MGST1: variants seen among roughly 807,000 people sequenced by gnomAD.
MGST1 encodes the protein glutathione S-transferase 12.
A neutral mutation model predicts 8.9 loss-of-function variants in MGST1; 5 were observed. The ratio of observed to expected loss-of-function variants is 0.56; its 90% CI spans 0.29 to 1.19. The LOEUF is 1.19. Ranked by LOEUF, MGST1 falls within the 50% of genes most tolerant of loss-of-function variation. MGST1 has a pLI of 0.08. For synonymous variants in MGST1, 54 were observed against 67.8 expected (o/e 0.80, Z 1.00); for missense variants, 182 against 187.4 (o/e 0.97, Z 0.17).
At chr12:16,449,758 A>C (rs1306115374) in intron 4 of MGST1, among the ~76,000 whole-genome samples, 12 of 151,904 alleles carry the variant, frequency 7.9e-5, no homozygotes, top group Non-Finnish European at 8.8e-5. Context: ...TAAACAAGTG[A>C]GTCCTTCCAC....
chr12:16,580,071 C>A (rs995849248), intron 4 of MGST1, among the ~76,000 whole-genome samples: 1 of 152,078 alleles, frequency 6.6e-6, no homozygotes, highest in African/African-American at 2.4e-5. Context: ...TATGTATTTC[C>A]TGATATTATA....
chr12:16,456,655 A>G (rs2137119409), intron 4 of MGST1, among the ~76,000 whole-genome samples: 1 of 152,066 alleles, frequency 6.6e-6, no homozygotes, highest in East Asian at 1.9e-4. Flanking sequence ...AATCTAATTC[A>G]GTATTTTGGA....
chr12:16,480,307 T>C (rs1941356252), intron 4 of MGST1, among the ~76,000 whole-genome samples: 1 of 151,990 alleles, frequency 6.6e-6, no homozygotes, highest in Admixed American at 6.5e-5. Flanking sequence ...CACACCCAGC[T>C]AATTTTTGTA....
Position 16,432,569 on chromosome 12 carries a change from G to A in MGST1, n.779-4819G>A, listed in dbSNP as rs1488844865. On this transcript the variant is annotated intron_variant and non_coding_transcript_variant, in intron 1 of 1. Transcript: ENST00000359720. ...GAGTCTCCCAAGGACAGGTGGGAGAGAGCCAAAAGTAACACTTAAAAATGA... is the reference window on the plus strand; with the variant it reads ...GAGTCTCCCAAGGACAGGTGGGAGAAAGCCAAAAGTAACACTTAAAAATGA... Among the ~76,000 whole-genome samples the A allele has an allele frequency of 3.3e-5, 5 of 151,818 alleles. No homozygotes were observed. The East Asian group carries it at 9.7e-4, about 29-fold the overall frequency.
rs149064646 is a variant in MGST1, at chr12:16,587,919, C to G, written n.483-1609C>G. ...TGCTACATTTCTCATGAAAGAAAAC[C>G]TTGATTTAATTTTAAATGAACAAAA... On this transcript the variant is annotated intron_variant and non_coding_transcript_variant, in intron 4 of 4. Transcript: ENST00000538857. This position sits in a 1 kb window ranked among gnomAD's most constrained non-coding sequence, Gnocchi z 4.3. 6.6e-6 allele frequency among the ~76,000 whole-genome samples: 1 copy of G among 152,152 alleles called. No homozygotes were observed. Among genetic ancestry groups the G allele is most frequent in the African/African-American group, 2.4e-5 (1 of 41,522 alleles).
chr12:16,536,252 C>T (rs773103727), intron 4 of MGST1, among the ~76,000 whole-genome samples: 2 of 152,094 alleles, frequency 1.3e-5, no homozygotes, highest in Non-Finnish European at 2.9e-5. Context: ...TATACGCTGA[C>T]TTTGAAGCAG....
intron 4 of MGST1, among the ~76,000 whole-genome samples, chr12:16,502,245 G>C (rs550542810): frequency 6.6e-6 from 1 of 152,276 alleles, no homozygotes; most frequent in Non-Finnish European, 1.5e-5. Context: ...AATTTCTATA[G>C]AGTCATTCCA....
intron 4 of MGST1, among the ~76,000 whole-genome samples, chr12:16,494,145 G>C (rs1941456002): frequency 6.6e-6 from 1 of 152,094 alleles, no homozygotes; most frequent in Admixed American, 6.5e-5. Context: ...AATAGAAAAT[G>C]TGTGCTTCTG....
exon 4 of MGST1, chr12:16,376,830 T>C (rs533608312): frequency 1.8e-4 from 28 of 152,264 alleles, no homozygotes; most frequent in African/African-American, 6.3e-4. Flanking sequence ...ATCATCTGTA[T>C]ATTAGATGAT....
chr12:16,476,920 G>A (rs184666457), intron 4 of MGST1, among the ~76,000 whole-genome samples: 61 of 152,270 alleles, frequency 4.0e-4, no homozygotes, highest in Non-Finnish European at 8.2e-4. Context: ...CTGAAGTCAG[G>A]AGATCTGGGT....
At chr12:16,480,218 C>G (rs2137143916) in intron 4 of MGST1, among the ~76,000 whole-genome samples, 1 of 150,236 alleles carries the variant, frequency 6.7e-6, no homozygotes, top group East Asian at 2.0e-4. Flanking sequence ...TCTCGGCTCA[C>G]TGGAACCTCC....
chr12:16,425,673 C>A (rs1034194494), intron 1 of MGST1, among the ~76,000 whole-genome samples: 3 of 152,184 alleles, frequency 2.0e-5, no homozygotes, highest in Admixed American at 1.3e-4. Flanking sequence ...ATCTAAAGCA[C>A]AGTCTAGAGA....
intron 4 of MGST1, among the ~76,000 whole-genome samples, chr12:16,467,163 A>C (rs1941261674): frequency 6.6e-6 from 1 of 152,234 alleles, no homozygotes; most frequent in African/African-American, 2.4e-5. Flanking sequence ...TCAATGTAAT[A>C]CCACCTTCAA....
Position 16,547,977 on chromosome 12 carries a change from A to C in MGST1, n.483-41551A>C, listed in dbSNP as rs1941850180. ...AATTTTCAGTGCCCTGTTTCAGTTA[A>C]GGTGCAACATCTCTTCTGTAAAAAT... On this transcript the variant is annotated intron_variant and non_coding_transcript_variant, in intron 4 of 4. Coordinates refer to the MGST1 transcript ENST00000538857. The surrounding 1 kb of genome is among the most constrained non-coding windows in gnomAD (Gnocchi z 4.6). Among the ~76,000 whole-genome samples, 1 of 152,196 alleles carries C rather than the reference A, an allele frequency of 6.6e-6. No homozygotes were observed. Among genetic ancestry groups the C allele is most frequent in the Non-Finnish European group, 1.5e-5 (1 of 68,026 alleles).
At chr12:16,556,244 T>A (rs1942184766) in intron 4 of MGST1, among the ~76,000 whole-genome samples, 2 of 152,112 alleles carry the variant, frequency 1.3e-5, no homozygotes, top group African/African-American at 4.8e-5. Flanking sequence ...CTTATTCACC[T>A]TTAAGAAATT....
intron 4 of MGST1, among the ~76,000 whole-genome samples, chr12:16,522,700 A>G (rs1941656129): frequency 1.3e-5 from 2 of 152,032 alleles, no homozygotes; most frequent in Non-Finnish European, 2.9e-5. Flanking sequence ...GATATACTCC[A>G]TCTAGTTCAA....
chr12:16,543,318 A>T (rs1306167868), intron 4 of MGST1, among the ~76,000 whole-genome samples: 2 of 152,146 alleles, frequency 1.3e-5, no homozygotes, highest in Non-Finnish European at 2.9e-5. Flanking sequence ...GAAGGCAATT[A>T]AAAAAATGCT....
At chr12:16,590,599 G>T (rs530857952), downstream of MGST1, among the ~76,000 whole-genome samples, 1 of 149,686 alleles carries the variant, frequency 6.7e-6, no homozygotes, top group Admixed American at 6.6e-5. Context: ...TATTACCTAA[G>T]AATTAAAAAA....
At chr12:16,491,531 C>T (rs894712454) in intron 4 of MGST1, among the ~76,000 whole-genome samples, 10 of 152,102 alleles carry the variant, frequency 6.6e-5, no homozygotes, top group African/African-American at 2.4e-4. Context: ...ATTTCGTTGT[C>T]CATTTTCCTC....
Sources: gnomAD v4.1 joint callset for allele counts (sites outside exome capture counted in the v4.1 genomes callset) on GRCh38, gnomAD v4.1.1 for gene constraint, Gnocchi (gnomAD v3.1) non-coding constraint, MANE v1.5 for transcripts, NCBI Gene and HGNC (gene_info 2026-07-23, HGNC 2026-07-21) for gene names.